The following PNPO variants were observed in gnomAD, a reference collection of about 807,000 sequenced individuals.
PNPO encodes the protein pyridoxamine 5'-phosphate oxidase, also known as pyridoxine-5'-phosphate oxidase.
Under a neutral mutation model 35.0 loss-of-function variants are expected in PNPO, and 39 were observed. The ratio of observed to expected loss-of-function variants is 1.11; its 90% CI spans 0.86 to 1.45. PNPO has a LOEUF of 1.45. PNPO is among the 40% of genes most tolerant of loss of function. The probability of loss-of-function intolerance (pLI) is 0.00; values close to 1 mark genes in which losing one functional copy is unlikely to be tolerated. For synonymous variants in PNPO, 115 were observed against 119.8 expected, an observed-to-expected ratio of 0.96 and a Z score of 0.26; for missense variants, 288 against 340.0, an observed-to-expected ratio of 0.85 and a Z score of 1.20.
chr17:47,942,329 T>C (rs999208609), intron 1 of PNPO, among the ~76,000 whole-genome samples: 2 of 150,348 alleles, frequency 1.3e-5, no homozygotes, highest in African/African-American at 2.4e-5. Flanking sequence ...CTCGGAGTCA[T>C]CTACTGGGGG....
Position 47,946,222 on chromosome 17 carries a change from T to C in PNPO, c.547-101T>C. 22 of 1,070,062 alleles carry C rather than the reference T, an allele frequency of 2.1e-5. No homozygotes were observed. In the South Asian group the frequency reaches 2.8e-4, roughly 14 times the overall value. 66.3% of individuals were successfully genotyped at this position (1,070,062 alleles called of 1,614,324 possible). A position where few individuals can be genotyped will look rare whatever the true frequency, so the allele number is the denominator to read the frequency against. On this transcript the variant is annotated intron_variant, in intron 5 of 6. Transcript: ENST00000642017. ...TGCTCCTGGAGGACAGAGGCCAGTC[T>C]GCTCTGCTCACCCATGTCCCCAGCA... is the stretch of plus-strand genomic sequence containing the variant.
chr17:47,941,822 G>C lies in PNPO; in HGVS notation c.138+9G>C, dbSNP rs746859243. The C allele has an allele frequency of 1.3e-6, 2 of 1,562,112 alleles. No individual in the cohort carries two copies. The highest frequency in any genetic ancestry group is 1.7e-6 in the Non-Finnish European group (2 of 1,152,254). On this transcript the variant is annotated intron_variant, in intron 1 of 6. Coordinates refer to ENST00000642017, the MANE Select transcript of PNPO (RefSeq NM_018129.4). Reference sequence around the variant, plus strand: ...ACCGCGGGGACCGAGAGGTGCCGCCGCTAGGGCCAGGCCTCCTGCAGGGGC... The same window carrying C: ...ACCGCGGGGACCGAGAGGTGCCGCCCCTAGGGCCAGGCCTCCTGCAGGGGC...
intron 1 of PNPO, among the ~76,000 whole-genome samples, chr17:47,943,013 G>GT (rs2035961942): frequency 1.3e-5 from 2 of 152,214 alleles, no homozygotes; most frequent in East Asian, 1.9e-4. Flanking sequence ...AGCCCAGAAA[G>GT]TTTTTTTTAT....
chr17:47,949,096 A>G lies in PNPO; in HGVS notation c.*2314A>G, dbSNP rs1381181625. 1 of 152,184 alleles carries G rather than the reference A, an allele frequency of 6.6e-6. No homozygotes were observed. The highest frequency in any genetic ancestry group is 1.5e-5 in the Non-Finnish European group (1 of 68,128). The allele number at this position is 152,184 out of a possible 1,614,324, so 9.4% of individuals were successfully genotyped here. On this transcript the variant is annotated 3_prime_UTR_variant, in exon 7 of 7. Coordinates refer to ENST00000642017, the MANE Select transcript of PNPO (RefSeq NM_018129.4). ...AGGAGGGTGTTGGGTGCCCTTACCT[A>G]CCTTGCCCTTTTTCTTGTACCGTAG...
chr17:47,943,118 G>C (rs1212849571), intron 1 of PNPO, among the ~76,000 whole-genome samples, 188 bp from the exon 2 acceptor site: 2 of 152,122 alleles, frequency 1.3e-5, no homozygotes, highest in Non-Finnish European at 2.9e-5. Context: ...CAAGTTGTCT[G>C]AGTTTTTATG....
Position 47,947,480 on chromosome 17 carries a change from A to G in PNPO, c.*698A>G, listed in dbSNP as rs951009441. The G allele has an allele frequency of 1.4e-5, 2 of 147,692 alleles. No homozygotes were observed. The highest frequency in any genetic ancestry group is 5.0e-5 in the African/African-American group (2 of 39,918). The allele number at this position is 147,692 out of a possible 1,614,324, so 9.1% of individuals were successfully genotyped here. On this transcript the variant is annotated 3_prime_UTR_variant, in exon 7 of 7. Transcript: ENST00000642017. ...AATCTATTTCTGTTGATTACAACTT[A>G]ACTAACTCATTTACGGATAGGACTT...
chr17:47,945,592 T>C lies in PNPO; in HGVS notation c.397T>C (p.Trp133Arg). ...SNPFASLVFY[W>R]EPLNRQVRVE... is the part of the protein sequence containing the mutation. Reference sequence around the variant, plus strand: ...TCCCTTTGCTTCCCTTGTCTTCTACTGGGAGCCACTTAACCGTCAGGTGAG... The same window carrying C: ...TCCCTTTGCTTCCCTTGTCTTCTACCGGGAGCCACTTAACCGTCAGGTGAG... The change falls in exon 4 of 7, where the codon TGG (tryptophan) becomes CGG (arginine). Residue 133 changes from tryptophan to arginine, a missense_variant. By Grantham distance (101) the Trp-to-Arg change is moderately radical (BLOSUM62 -3). Coordinates refer to ENST00000642017, the MANE Select transcript of PNPO (RefSeq NM_018129.4). This position sits in a 1 kb window ranked among gnomAD's most constrained non-coding sequence, Gnocchi z 4.0. 1 of 1,613,454 alleles carries C rather than the reference T, an allele frequency of 6.2e-7. No individual in the cohort carries two copies. Among genetic ancestry groups the C allele is most frequent in the Non-Finnish European group, 8.5e-7 (1 of 1,179,366 alleles).
rs763447234 is a variant in PNPO, at chr17:47,946,776, AC to A, written c.782del (p.Pro261LeufsTer47). 6.2e-7 allele frequency: 1 copy of A among 1,613,982 alleles called. No homozygotes were observed. The highest frequency in any genetic ancestry group is 8.5e-7 in the Non-Finnish European group (1 of 1,179,978). On this transcript the variant is annotated frameshift_variant, in exon 7 of 7. Transcript: ENST00000642017. LOFTEE classifies it high-confidence loss of function. ...EEDWLYERLA[P>X] is the part of the protein sequence containing the mutation. ...AAGACTGGCTCTATGAGAGACTTGC[AC>A]CTTAACTCTGGGACCTGCTGGCCCA...
rs1205048579 is a variant in PNPO, at chr17:47,946,866, A to C, written c.*84A>C. The C allele has an allele frequency of 7.7e-7, 1 of 1,299,344 alleles. No homozygotes were observed. Among genetic ancestry groups the C allele is most frequent in the East Asian group, 2.3e-5 (1 of 43,386 alleles). 80.5% of individuals were successfully genotyped at this position (1,299,344 alleles called of 1,614,324 possible). On this transcript the variant is annotated 3_prime_UTR_variant, in exon 7 of 7. Coordinates refer to ENST00000642017, the MANE Select transcript of PNPO (RefSeq NM_018129.4). ...ATTGGGACCCAGGCCCTTCTTTCTA[A>C]ACTCAACCCATTTCCCTCCCTACCC...
In PNPO at chr17:47,948,037, A is replaced by C. The variant is rs145189700; in HGVS notation, c.*1255A>C. 6.6e-6 allele frequency: 1 copy of C among 152,302 alleles called. No homozygotes were observed. Among genetic ancestry groups the C allele is most frequent in the African/African-American group, 2.4e-5 (1 of 41,568 alleles). 9.4% of individuals were successfully genotyped at this position (152,302 alleles called of 1,614,324 possible). Reference sequence around the variant, plus strand: ...AATTACAGGGAAGTTACAGGGAAGCAGGTTTCATCTCAATATTGGGAGAGA... The same window carrying C: ...AATTACAGGGAAGTTACAGGGAAGCCGGTTTCATCTCAATATTGGGAGAGA... On this transcript the variant is annotated 3_prime_UTR_variant, in exon 7 of 7. Coordinates refer to ENST00000642017, the MANE Select transcript of PNPO (RefSeq NM_018129.4).
rs1302928598 is a variant in PNPO at position 47,948,202 on chromosome 17, TG to T, written c.*1421del. 4 of 152,226 alleles carry T rather than the reference TG, an allele frequency of 2.6e-5. No individual in the cohort carries two copies. The highest frequency in any genetic ancestry group is 4.8e-5 in the African/African-American group (2 of 41,462). The allele number at this position is 152,226 out of a possible 1,614,324, so 9.4% of individuals were successfully genotyped here. On this transcript the variant is annotated 3_prime_UTR_variant, in exon 7 of 7. Transcript: ENST00000642017. Reference sequence around the variant, plus strand: ...AGATTTTAATCAGCTTTACTATCTATGTTTTTTTATGGAAACTGTGTGTATG... The same window carrying T: ...AGATTTTAATCAGCTTTACTATCTATTTTTTTTATGGAAACTGTGTGTATG...
chr17:47,946,433 GC>G, intron 6 of PNPO, 40 bp downstream of exon 6: 3 of 1,525,674 alleles, frequency 2.0e-6, no homozygotes, highest in Non-Finnish European at 2.7e-6. Context: ...GGGACACCAG[GC>G]CCCTGTGTTT....
intron 3 of PNPO, chr17:47,944,921 T>A: frequency 1.6e-6 from 1 of 619,704 alleles, no homozygotes. Context: ...CCATCAGCCA[T>A]GACCTGTTCC....
Position 47,943,362 on chromosome 17 carries a change from G to T in PNPO, c.195G>T (p.Trp65Cys), listed in dbSNP as rs757132967. 1 of 1,613,918 alleles carries T rather than the reference G, an allele frequency of 6.2e-7. No homozygotes were observed. The highest frequency in any genetic ancestry group is 1.3e-5 in the African/African-American group (1 of 74,930). ...ACCCAGTGAAACAGTTTGCTGCCTG[G>T]TTTGAGGAGGCTGTTCAGTGTCCTG... ...SLDPVKQFAAWFEEAVQCPDI... is the reference protein window; with the variant it reads ...SLDPVKQFAACFEEAVQCPDI... Residue 65 changes from tryptophan (W) to cysteine (C), a missense_variant, in exon 2 of 7, where the codon TGG (tryptophan) becomes TGT (cysteine). Coordinates refer to ENST00000642017, the MANE Select transcript of PNPO (RefSeq NM_018129.4).
Position 47,945,125 on chromosome 17 carries a change from T to C in PNPO, c.363+410T>C. The C allele has an allele frequency of 5.3e-6, 2 of 380,476 alleles. No individual in the cohort carries two copies. Among genetic ancestry groups the C allele is most frequent in the Non-Finnish European group, 1.0e-5 (2 of 199,462 alleles). 23.6% of individuals were successfully genotyped at this position (380,476 alleles called of 1,614,324 possible). On this transcript the variant is annotated intron_variant, in intron 3 of 6. Coordinates refer to ENST00000642017, the MANE Select transcript of PNPO (RefSeq NM_018129.4). The surrounding 1 kb of genome is among the most constrained non-coding windows in gnomAD (Gnocchi z 4.0). ...GTCTCCTCTGCTCAACAGTAAGCTC[T>C]GTAGGAGTGGAGGCTGCTCTGTTTT...
rs1456961442 is a variant in PNPO at position 47,947,981 on chromosome 17, TG to T, written c.*1200del. ...TTATAGCACTTCCCCTACTGATTGC[TG>T]CCTTCTCTGTGGCTACAAGGGACCC... On this transcript the variant is annotated 3_prime_UTR_variant, in exon 7 of 7. Coordinates refer to ENST00000642017, the MANE Select transcript of PNPO (RefSeq NM_018129.4). 6.6e-6 allele frequency: 1 copy of T among 152,218 alleles called. No individual in the cohort carries two copies. The highest frequency in any genetic ancestry group is 1.5e-5 in the Non-Finnish European group (1 of 68,030). 9.4% of individuals were successfully genotyped at this position (152,218 alleles called of 1,614,324 possible). A position where few individuals can be genotyped will look rare whatever the true frequency, so the allele number is the denominator to read the frequency against.
At position 47,946,439 on chromosome 17, in the gene PNPO, G is replaced by C. The variant is rs750584600; in HGVS notation, c.617+46G>C. The C allele has an allele frequency of 4.6e-6, 7 of 1,505,474 alleles. No homozygotes were observed. The South Asian group carries it at 7.9e-5, about 17-fold the overall frequency. The allele number at this position is 1,505,474 out of a possible 1,614,324, so 93.3% of individuals were successfully genotyped here. On this transcript the variant is annotated intron_variant, in intron 6 of 6. Transcript: ENST00000642017. The stretch of plus-strand genomic sequence containing the variant: ...CTCTAGAAAGGGACACCAGGCCCCT[G>C]TGTTTACTTGAAGCCACCTGCCTGG...
intron 2 of PNPO, 26 bp from the exon 3 acceptor site, chr17:47,944,590 C>T (rs767539880): frequency 4.5e-6 from 7 of 1,559,118 alleles, no homozygotes; most frequent in Non-Finnish European, 6.2e-6. Flanking sequence ...AGACTCTGAC[C>T]ACAGTGCTCT....
Position 47,945,322 on chromosome 17 carries a change from T to G in PNPO, c.364-237T>G, listed in dbSNP as rs2035993235. 1 of 534,482 alleles carries G rather than the reference T, an allele frequency of 1.9e-6. No individual in the cohort carries two copies. Among genetic ancestry groups the G allele is most frequent in the Non-Finnish European group, 3.4e-6 (1 of 294,212 alleles). The allele number at this position is 534,482 out of a possible 1,614,324, so 33.1% of individuals were successfully genotyped here. A position where few individuals can be genotyped will look rare whatever the true frequency, so the allele number is the denominator to read the frequency against. The stretch of plus-strand genomic sequence containing the variant: ...GTGAGAGAAATCACCCAGTCTCACT[T>G]TGGAGTCCGACTGGCTTAAACTTAG... On this transcript the variant is annotated intron_variant, in intron 3 of 6. Transcript: ENST00000642017. This position sits in a 1 kb window ranked among gnomAD's most constrained non-coding sequence, Gnocchi z 4.0.
Sources: gnomAD v4.1 joint callset for allele counts (sites outside exome capture counted in the v4.1 genomes callset) on GRCh38, gnomAD v4.1.1 for gene constraint, Gnocchi (gnomAD v3.1) non-coding constraint, MANE v1.5 for transcripts, NCBI Gene and HGNC (gene_info 2026-07-23, HGNC 2026-07-21) for gene names.